Variants in C12orf42 observed in about 807,000 individuals in gnomAD.
C12orf42 encodes the protein uncharacterized protein C12orf42.
A neutral mutation model predicts 21.6 loss-of-function variants in C12orf42; 25 were observed. The observed-to-expected ratio is 1.16, with a 90% CI of 0.84 to 1.62. The LOEUF is 1.62. C12orf42 is among the 40% of genes most tolerant of loss of function. C12orf42 has a pLI of 0.00. For missense variants in C12orf42, 483 were observed against 459.3 expected (o/e 1.05, Z -0.47); for synonymous variants, 174 against 175.0 (o/e 0.99, Z 0.05).
At chr12:103,507,504 CAAA>C in the C12orf42 span, among the ~76,000 whole-genome samples, 1 of 126,414 alleles carries the variant, frequency 7.9e-6, no homozygotes. Context: ...ACCCCATCTT[CAAA>C]AAAAAAAAAA....
At chr12:103,272,904 G>C (rs1021560988) in intron 5 of C12orf42, among the ~76,000 whole-genome samples, 226 of 152,276 alleles carry the variant, frequency 1.5e-3, no homozygotes, top group African/African-American at 5.0e-3. Flanking sequence ...TGTCACCCAA[G>C]TGTGTTTTCT....
intron 3 of C12orf42, among the ~76,000 whole-genome samples, chr12:103,400,991 T>A (rs577403115): frequency 2.6e-5 from 4 of 152,294 alleles, no homozygotes; most frequent in Admixed American, 2.6e-4. Context: ...CCTGCTTTTG[T>A]AAACAAAGCT....
the C12orf42 span, among the ~76,000 whole-genome samples, chr12:103,231,556 T>C: frequency 1.8e-4 from 28 of 152,222 alleles, no homozygotes; most frequent in Non-Finnish European, 3.1e-4. Flanking sequence ...GTTGGAATCA[T>C]ACAGTATGCA....
At chr12:103,424,271 A>G (rs10860999) in intron 2 of C12orf42, among the ~76,000 whole-genome samples, 29,211 of 152,234 alleles carry the variant, frequency 0.19, 3,376 homozygotes, top group East Asian at 0.35. Context: ...TCTGGGGTCA[A>G]CTATAATAAG....
rs187955607 is a variant in C12orf42 at position 103,247,519 on chromosome 12, C to T, written c.*1367-9617G>A. 5.2e-3 allele frequency among the ~76,000 whole-genome samples: 789 copies of T among 152,128 alleles called. 10 individuals are homozygous for T. The highest frequency in any genetic ancestry group is 0.018 in the African/African-American group (752 of 41,538). ...TATTTAGGGATAAAATGTTTAAATGCTATGAGATTGAAACTAATAAGCAAA... is the reference window on the plus strand; with the variant it reads ...TATTTAGGGATAAAATGTTTAAATGTTATGAGATTGAAACTAATAAGCAAA... On this transcript the variant is annotated intron_variant and NMD_transcript_variant, in intron 10 of 10. Transcript: ENST00000547347.
At chr12:103,146,736 T>C in the C12orf42 span, among the ~76,000 whole-genome samples, 1 of 152,230 alleles carries the variant, frequency 6.6e-6, no homozygotes. Flanking sequence ...AACAACCTTA[T>C]ATTTTTATGA....
chr12:103,482,147 A>G (rs1954517923), intron 1 of C12orf42, among the ~76,000 whole-genome samples: 1 of 152,096 alleles, frequency 6.6e-6, no homozygotes, highest in Admixed American at 6.5e-5. Flanking sequence ...ACTTATCAAT[A>G]TGTTTCATAA....
chr12:103,382,965 GA>G (rs2046310582), intron 3 of C12orf42, among the ~76,000 whole-genome samples: 1 of 152,198 alleles, frequency 6.6e-6, no homozygotes, highest in African/African-American at 2.4e-5. Context: ...AAGCAGCAAA[GA>G]CACTTTGCTC....
chr12:103,253,726 A>T (rs1312047756), intron 10 of C12orf42, among the ~76,000 whole-genome samples: 1 of 151,938 alleles, frequency 6.6e-6, no homozygotes, highest in East Asian at 1.9e-4. Context: ...AACTTGCCTC[A>T]TTCTCCCCTA....
At chr12:103,144,646 G>T in the C12orf42 span, among the ~76,000 whole-genome samples, 1 of 152,158 alleles carries the variant, frequency 6.6e-6, no homozygotes, top group African/African-American at 2.4e-5. Context: ...CCTTGTAAAT[G>T]ATGCTAAAAA....
chr12:103,172,735 C>A, the C12orf42 span, among the ~76,000 whole-genome samples: 1 of 152,096 alleles, frequency 6.6e-6, no homozygotes, highest in Non-Finnish European at 1.5e-5. Context: ...CAAAATATTT[C>A]CAACAGTTTC....
chr12:103,282,581 G>A (rs1436065029), intron 4 of C12orf42, among the ~76,000 whole-genome samples: 4 of 152,228 alleles, frequency 2.6e-5, no homozygotes, highest in African/African-American at 4.8e-5. Flanking sequence ...GTGTTAGTAC[G>A]CTCTGATGTT....
chr12:103,537,356 A>G, the C12orf42 span, among the ~76,000 whole-genome samples: 4 of 151,994 alleles, frequency 2.6e-5, no homozygotes. Context: ...TATTAAACCG[A>G]GGGATCCCTA....
chr12:103,471,257 C>T (rs1339010881), intron 2 of C12orf42, among the ~76,000 whole-genome samples: 3 of 152,102 alleles, frequency 2.0e-5, no homozygotes, highest in Non-Finnish European at 4.4e-5. Flanking sequence ...GAAAAAGAGA[C>T]TTGAAAGTCA....
At chr12:103,407,651 G>T (rs939160913) in intron 2 of C12orf42, among the ~76,000 whole-genome samples, 3 of 152,110 alleles carry the variant, frequency 2.0e-5, no homozygotes, top group African/African-American at 7.2e-5. Flanking sequence ...TCAACAGTAG[G>T]CTATTAATAG....
At chr12:103,195,843 A>G in the C12orf42 span, among the ~76,000 whole-genome samples, 3 of 152,074 alleles carry the variant, frequency 2.0e-5, no homozygotes, top group Non-Finnish European at 2.9e-5. Context: ...TGGAGTCTTT[A>G]TCATGAAATC....
the C12orf42 span, among the ~76,000 whole-genome samples, chr12:103,536,050 G>T: frequency 6.6e-6 from 1 of 152,162 alleles, no homozygotes; most frequent in Middle Eastern, 3.2e-3. Context: ...CAAAGTGCTA[G>T]GATTACAGGC....
intron 2 of C12orf42, among the ~76,000 whole-genome samples, chr12:103,420,808 C>T (rs771004307): frequency 3.9e-5 from 6 of 152,088 alleles, no homozygotes; most frequent in South Asian, 4.1e-4. Context: ...CATGAGTCAC[C>T]GCGCCCAGCC....
intron 2 of C12orf42, among the ~76,000 whole-genome samples, chr12:103,411,589 T>A (rs986681274): frequency 4.6e-5 from 7 of 152,170 alleles, no homozygotes; most frequent in African/African-American, 1.4e-4. Flanking sequence ...GGAGCCCTCA[T>A]GAATAGGATT....
Sources: allele counts gnomAD v4.1 joint callset (sites outside exome capture counted in the v4.1 genomes callset), GRCh38; gene constraint gnomAD v4.1.1; transcripts MANE v1.5; gene names NCBI Gene and HGNC (gene_info 2026-07-23, HGNC 2026-07-21).